Variants in DCLK1 observed in about 807,000 individuals in gnomAD.
DCLK1 encodes serine/threonine-protein kinase DCLK1.
Under a neutral mutation model 86.2 loss-of-function variants are expected in DCLK1, and 16 were observed. The ratio of observed to expected loss-of-function variants is 0.19; its 90% CI spans 0.13 to 0.28. The LOEUF is 0.28. Among genes scored for constraint, DCLK1 ranks in the 10% least tolerant of loss-of-function variants. The probability of loss-of-function intolerance (pLI) is 1.00; values close to 1 mark genes in which losing one functional copy is unlikely to be tolerated. For missense variants in DCLK1, 590 were observed against 940.2 expected (o/e 0.63, Z 4.87); for synonymous variants, 369 against 370.5 (o/e 1.00, Z 0.05).
intron 15 of DCLK1, among the ~76,000 whole-genome samples, chr13:35,795,552 G>T (rs556009823): frequency 1.3e-5 from 2 of 152,140 alleles, no homozygotes; most frequent in African/African-American, 4.8e-5. Flanking sequence ...TAATTACAAA[G>T]AATTAGGATT....
chr13:35,904,411 C>G (rs951195321), intron 4 of DCLK1, among the ~76,000 whole-genome samples: 1 of 152,106 alleles, frequency 6.6e-6, no homozygotes, highest in Non-Finnish European at 1.5e-5. Flanking sequence ...AGGCTGGTCT[C>G]GAACTCCTCA....
chr13:36,094,409 A>G (rs1172465805), intron 3 of DCLK1, among the ~76,000 whole-genome samples: 1 of 152,238 alleles, frequency 6.6e-6, no homozygotes, highest in African/African-American at 2.4e-5. Flanking sequence ...TAGTTAGAAT[A>G]AAACCAATTT....
At chr13:36,021,326 A>G (rs1235736253) in intron 3 of DCLK1, among the ~76,000 whole-genome samples, 2 of 151,950 alleles carry the variant, frequency 1.3e-5, no homozygotes, top group Non-Finnish European at 1.5e-5. Context: ...AAAAGTAGTA[A>G]TGGAGTAAGA....
At chr13:35,938,326 A>G (rs1306766687) in intron 4 of DCLK1, among the ~76,000 whole-genome samples, 1 of 152,054 alleles carries the variant, frequency 6.6e-6, no homozygotes. Flanking sequence ...TGGGCTCAAT[A>G]ACTTGTCAAA....
At chr13:35,848,148 A>G (rs1870349238) in intron 6 of DCLK1, 1 of 985,188 alleles carries the variant, frequency 1.0e-6, no homozygotes, top group Admixed American at 6.2e-5. Context: ...TATCATTAGG[A>G]CAAAACTGCG....
intron 4 of DCLK1, among the ~76,000 whole-genome samples, chr13:35,906,003 G>A (rs1874670499): frequency 6.6e-6 from 1 of 152,116 alleles, no homozygotes; most frequent in Admixed American, 6.5e-5. Context: ...CTTAAAAATG[G>A]AAACAAACTG....
chr13:35,985,023 C>T (rs1879834534), intron 3 of DCLK1, among the ~76,000 whole-genome samples: 1 of 152,176 alleles, frequency 6.6e-6, no homozygotes. Flanking sequence ...CGTTTGCAGT[C>T]GCTACAGACA....
intron 6 of DCLK1, among the ~76,000 whole-genome samples, chr13:35,852,653 C>G (rs1482537195): frequency 6.6e-6 from 1 of 152,110 alleles, no homozygotes; most frequent in African/African-American, 2.4e-5. Flanking sequence ...CCAATAGCCA[C>G]AGAGCTGAAT....
intron 3 of DCLK1, among the ~76,000 whole-genome samples, chr13:36,068,593 C>A (rs1011614259): frequency 6.6e-6 from 1 of 151,184 alleles, no homozygotes; most frequent in Non-Finnish European, 1.5e-5. Flanking sequence ...TCTCATAATT[C>A]TTTTCCAAAA....
intron 3 of DCLK1, among the ~76,000 whole-genome samples, chr13:35,950,998 C>T (rs560729448): frequency 8.6e-5 from 13 of 152,002 alleles, no homozygotes; most frequent in Non-Finnish European, 1.5e-4. Flanking sequence ...CTCAGCCCTA[C>T]CGCCTTTCTG....
At chr13:35,957,295 G>A (rs972844989) in intron 3 of DCLK1, among the ~76,000 whole-genome samples, 1 of 152,120 alleles carries the variant, frequency 6.6e-6, no homozygotes, top group African/African-American at 2.4e-5. Context: ...AACATCCTCA[G>A]ATAGAGTCAG....
rs1308222598 is a variant in DCLK1, at chr13:35,881,039, A to G, written c.824-9699T>C. Among the ~76,000 whole-genome samples the G allele has an allele frequency of 3.9e-5, 6 of 152,326 alleles. No individual in the cohort carries two copies. In the East Asian group the frequency reaches 1.2e-3, roughly 29 times the overall value. On this transcript the variant is annotated intron_variant, in intron 4 of 16. Transcript: ENST00000360631. ...CCTTGAGAGACTGAATATACAGATG[A>G]ACAATGGCCAGACCATATAACAAAA...
chr13:36,106,530 G>A (rs570770164), intron 3 of DCLK1, among the ~76,000 whole-genome samples: 2 of 151,984 alleles, frequency 1.3e-5, no homozygotes, highest in Non-Finnish European at 2.9e-5. Flanking sequence ...TACTCCAATC[G>A]CAAACAAAAC....
intron 3 of DCLK1, among the ~76,000 whole-genome samples, chr13:36,027,082 T>C (rs934658675): frequency 2.6e-5 from 4 of 152,192 alleles, no homozygotes; most frequent in Admixed American, 6.5e-5. Flanking sequence ...TATTTTCACA[T>C]GGAGAGATTT....
intron 16 of DCLK1, 49 bp downstream of exon 16, chr13:35,793,317 A>T: frequency 6.9e-7 from 1 of 1,451,214 alleles, no homozygotes; most frequent in Non-Finnish European, 9.5e-7. Context: ...CCTGTCTCTT[A>T]GGTGGGTTGC....
At chr13:36,014,672 CTCTA>C (rs1355299389) in intron 3 of DCLK1, among the ~76,000 whole-genome samples, 2 of 152,270 alleles carry the variant, frequency 1.3e-5, no homozygotes, top group Admixed American at 6.5e-5. Flanking sequence ...GATCACAATT[CTCTA>C]TCTTTTTCTA....
intron 4 of DCLK1, among the ~76,000 whole-genome samples, chr13:35,887,548 G>T (rs1873349450): frequency 1.3e-5 from 2 of 152,152 alleles, no homozygotes; most frequent in Non-Finnish European, 2.9e-5. Flanking sequence ...TCAAGGAAGA[G>T]ACTGGGTGGG....
chr13:35,990,498 C>T (rs1265565397), intron 3 of DCLK1, among the ~76,000 whole-genome samples: 3 of 152,034 alleles, frequency 2.0e-5, no homozygotes, highest in Non-Finnish European at 2.9e-5. Context: ...CCCAGGATAC[C>T]TCTCCACCCC....
rs929603575 is a variant in DCLK1, at chr13:35,769,326, T to C, written c.*5209A>G. Reference sequence around the variant, plus strand: ...GTCAAATTGAAACCTTTCAGAAACTTGTTTAAATGCGCCAAGTCCCTACGC... The same window carrying C: ...GTCAAATTGAAACCTTTCAGAAACTCGTTTAAATGCGCCAAGTCCCTACGC... On this transcript the variant is annotated 3_prime_UTR_variant, in exon 17 of 17. Transcript: ENST00000360631. 6.6e-6 allele frequency: 1 copy of C among 152,236 alleles called. No homozygotes were observed. The highest frequency in any genetic ancestry group is 1.5e-5 in the Non-Finnish European group (1 of 68,034). 9.4% of individuals were successfully genotyped at this position (152,236 alleles called of 1,614,324 possible). A position where few individuals can be genotyped will look rare whatever the true frequency, so the allele number is the denominator to read the frequency against.
Sources: allele counts gnomAD v4.1 joint callset (sites outside exome capture counted in the v4.1 genomes callset), GRCh38; gene constraint gnomAD v4.1.1; transcripts MANE v1.5; gene names NCBI Gene and HGNC (gene_info 2026-07-23, HGNC 2026-07-21).